AKAP6: variants seen among roughly 807,000 people sequenced by gnomAD.
AKAP6 encodes the protein A-kinase anchor protein 6.
A neutral mutation model predicts 188.5 loss-of-function variants in AKAP6; 58 were observed. The ratio of observed to expected loss-of-function variants is 0.31; its 90% CI spans 0.25 to 0.38. The LOEUF (loss-of-function observed/expected upper bound fraction) is 0.38. AKAP6 is among the 10% of genes least tolerant of loss of function. The pLI, the probability that AKAP6 is intolerant of heterozygous loss-of-function variation, is 1.00. For missense variants in AKAP6, 2,710 were observed against 2,740.0 expected (o/e 0.99, Z 0.24); for synonymous variants, 989 against 998.6 (o/e 0.99, Z 0.18).
chr14:32,479,512 C>T (rs934124864), intron 2 of AKAP6, among the ~76,000 whole-genome samples: 1 of 151,984 alleles, frequency 6.6e-6, no homozygotes, highest in East Asian at 1.9e-4. Flanking sequence ...AATATTATTT[C>T]CTGAATAGTT....
At chr14:32,542,579 G>T (rs1883006989) in intron 3 of AKAP6, among the ~76,000 whole-genome samples, 1 of 152,190 alleles carries the variant, frequency 6.6e-6, no homozygotes, top group African/African-American at 2.4e-5. Flanking sequence ...AACTTAAGCT[G>T]AAATCTGAGT....
intron 7 of AKAP6, among the ~76,000 whole-genome samples, chr14:32,618,098 T>A (rs1392147912): frequency 6.6e-6 from 1 of 151,704 alleles, no homozygotes; most frequent in Non-Finnish European, 1.5e-5. Flanking sequence ...TGCAAAATAT[T>A]TTATATCTTT....
intron 1 of AKAP6, among the ~76,000 whole-genome samples, chr14:32,413,200 T>C (rs1889547689): frequency 7.7e-6 from 1 of 130,162 alleles, no homozygotes; most frequent in South Asian, 2.6e-4. Context: ...TTTTTTTTTT[T>C]AGATGGGGTC....
chr14:32,474,694 A>C (rs1878965146), intron 2 of AKAP6: 1 of 152,228 alleles, frequency 6.6e-6, no homozygotes, highest in African/African-American at 2.4e-5. Context: ...ATGAGGATTT[A>C]AGTTTCCTTC....
intron 11 of AKAP6, among the ~76,000 whole-genome samples, chr14:32,771,110 G>T (rs922131011): frequency 1.3e-5 from 2 of 152,030 alleles, no homozygotes; most frequent in Admixed American, 6.6e-5. Flanking sequence ...ATGAATTTTT[G>T]ATTACGAATG....
rs555865151 is a variant in AKAP6 at position 32,353,485 on chromosome 14, C to T, written c.-35+24077C>T. 8.8e-4 allele frequency among the ~76,000 whole-genome samples: 134 copies of T among 152,230 alleles called. 3 individuals carry two copies. Among genetic ancestry groups the T allele is most frequent in the East Asian group, 3.9e-4 (2 of 5,178 alleles). ...CTGAGGCAGGAGAATGGCGTCAACC[C>T]GGGCGGTAGAGGTTGCAGTGAGCCG... is the stretch of plus-strand genomic sequence containing the variant. On this transcript the variant is annotated intron_variant, in intron 1 of 13. Coordinates refer to ENST00000280979, the MANE Select transcript of AKAP6 (RefSeq NM_004274.5).
intron 12 of AKAP6, among the ~76,000 whole-genome samples, chr14:32,791,917 G>A (rs928562983): frequency 2.0e-5 from 3 of 152,146 alleles, no homozygotes; most frequent in African/African-American, 7.2e-5. Context: ...GTTTGTCCAA[G>A]ATCAGATGGT....
intron 7 of AKAP6, among the ~76,000 whole-genome samples, chr14:32,665,074 C>A (rs1472769328): frequency 6.6e-6 from 1 of 152,094 alleles, no homozygotes; most frequent in Admixed American, 6.6e-5. Flanking sequence ...TCTCACACCA[C>A]AATAATCATC....
intron 1 of AKAP6, among the ~76,000 whole-genome samples, chr14:32,408,735 G>A (rs1207983765): frequency 6.6e-6 from 1 of 151,804 alleles, no homozygotes; most frequent in African/African-American, 2.4e-5. Context: ...AGGGAAGGTA[G>A]ATGATCTTTG....
At chr14:32,637,180 C>T (rs548913911) in intron 7 of AKAP6, among the ~76,000 whole-genome samples, 12 of 152,148 alleles carry the variant, frequency 7.9e-5, no homozygotes, top group Non-Finnish European at 1.3e-4. Context: ...GGGCCTAGTA[C>T]GTAGAATACA....
Position 32,624,292 on chromosome 14 carries a change from A to G in AKAP6, c.2730+23500A>G, listed in dbSNP as rs185741531. On this transcript the variant is annotated intron_variant, in intron 7 of 13. Transcript: ENST00000280979. ...GAGGAAAATGTGCTGTTCAAGAAAA[A>G]TAGTCTTCTTTTCTTAAAACATATG... Among the ~76,000 whole-genome samples, 130 of 152,290 alleles carry G rather than the reference A, an allele frequency of 8.5e-4. 1 individual carries two copies. The highest frequency in any genetic ancestry group is 2.8e-3 in the African/African-American group (118 of 41,574).
At chr14:32,593,221 T>C (rs1885561648) in intron 5 of AKAP6, among the ~76,000 whole-genome samples, 1 of 152,090 alleles carries the variant, frequency 6.6e-6, no homozygotes, top group African/African-American at 2.4e-5. Flanking sequence ...CAAGGGATGA[T>C]GATGAAAGCC....
intron 2 of AKAP6, among the ~76,000 whole-genome samples, chr14:32,462,095 T>G (rs544619023): frequency 1.6e-4 from 24 of 152,198 alleles, no homozygotes; most frequent in African/African-American, 5.8e-4. Flanking sequence ...AGACCAAACC[T>G]ATGATTGATT....
At chr14:32,345,575 C>T (rs1887039759) in intron 1 of AKAP6, among the ~76,000 whole-genome samples, 1 of 152,154 alleles carries the variant, frequency 6.6e-6, no homozygotes, top group Non-Finnish European at 1.5e-5. Context: ...TGTATTGATA[C>T]TAGAGTCAAA....
rs537878336 is a variant in AKAP6, at chr14:32,680,811, A to T, written c.2879+2352A>T. The stretch of plus-strand genomic sequence containing the variant: ...GACAAAAAGGTATGTTATCAAGGTG[A>T]TACATCACAGCTTATATAGTATACA... On this transcript the variant is annotated intron_variant, in intron 8 of 13. Coordinates refer to ENST00000280979, the MANE Select transcript of AKAP6 (RefSeq NM_004274.5). Among the ~76,000 whole-genome samples, 7 of 152,348 alleles carry T rather than the reference A, an allele frequency of 4.6e-5. No individual in the cohort carries two copies. In the South Asian group the frequency reaches 1.4e-3, roughly 32 times the overall value.
At position 32,695,926 on chromosome 14, in the gene AKAP6, C is replaced by T. The variant is rs559359560; in HGVS notation, c.2880-64C>T. ...CATGGGTTTTCAAGAATATATTATT[C>T]TAATATAAGATTTTAACAACTACAC... On this transcript the variant is annotated intron_variant, in intron 8 of 13. Transcript: ENST00000280979. 2.0e-6 allele frequency: 3 copies of T among 1,486,100 alleles called. No homozygotes were observed. In the East Asian group the frequency reaches 7.3e-5, roughly 36 times the overall value. 92.1% of individuals were successfully genotyped at this position (1,486,100 alleles called of 1,614,324 possible).
At position 32,577,338 on chromosome 14, in the gene AKAP6, G is replaced by T. The variant is rs191016483; in HGVS notation, c.2469+96G>T. ...GAAATATCAATTTTATTTATCAAAG[G>T]TTACTATATGTCAATGAAACCAAAT... On this transcript the variant is annotated intron_variant, in intron 5 of 13. Coordinates refer to ENST00000280979, the MANE Select transcript of AKAP6 (RefSeq NM_004274.5). The T allele has an allele frequency of 1.5e-4, 232 of 1,516,512 alleles. No homozygotes were observed. In the African/African-American group the frequency reaches 2.7e-3, roughly 18 times the overall value. 93.9% of individuals were successfully genotyped at this position (1,516,512 alleles called of 1,614,324 possible). A position where few individuals can be genotyped will look rare whatever the true frequency, so the allele number is the denominator to read the frequency against.
intron 2 of AKAP6, among the ~76,000 whole-genome samples, chr14:32,447,360 C>T (rs1462175165): frequency 6.6e-6 from 1 of 152,190 alleles, no homozygotes; most frequent in African/African-American, 2.4e-5. Context: ...ACTGAATCCT[C>T]GTGTTATGAT....
chr14:32,387,879 G>A (rs190361426), intron 1 of AKAP6, among the ~76,000 whole-genome samples: 23 of 151,592 alleles, frequency 1.5e-4, no homozygotes, highest in African/African-American at 5.1e-4. Context: ...TTTAGGGAGG[G>A]TTCCCTCTTT....
Sources: allele counts gnomAD v4.1 joint callset (sites outside exome capture counted in the v4.1 genomes callset), GRCh38; gene constraint gnomAD v4.1.1; transcripts MANE v1.5; gene names NCBI Gene and HGNC (gene_info 2026-07-23, HGNC 2026-07-21).